The following ALOXE3 variants were observed in gnomAD, a reference collection of about 807,000 sequenced individuals.
The protein encoded by ALOXE3 is hydroperoxide isomerase ALOXE3.
Under a neutral mutation model 87.5 loss-of-function variants are expected in ALOXE3, and 78 were observed. The observed-to-expected ratio is 0.89, with a 90% CI of 0.74 to 1.08. The LOEUF (loss-of-function observed/expected upper bound fraction) is 1.08, where lower values mean the gene tolerates loss of function less well. Ranked by LOEUF, ALOXE3 falls within the 50% of genes least tolerant of loss-of-function variation. ALOXE3 has a pLI of 0.00. For synonymous variants in ALOXE3, 363 were observed against 370.8 expected (o/e 0.98, Z 0.24); for missense variants, 946 against 912.4 (o/e 1.04, Z -0.47).
In ALOXE3 at chr17:8,114,473, A is replaced by C. The variant is rs761125519; in HGVS notation, c.680+11T>G. The C allele has an allele frequency of 1.2e-6, 2 of 1,613,714 alleles. No homozygotes were observed. Among genetic ancestry groups the C allele is most frequent in the Admixed American group, 1.7e-5 (1 of 59,972 alleles). ...GATGTAAGATGTTCATTAGAGGGAC[A>C]ATGGCCTTACGCAGGGATGGCATTG... On this transcript the variant is annotated intron_variant, in intron 6 of 15. Transcript: ENST00000448843.
chr17:8,111,252 G>T, intron 8 of ALOXE3, 107 bp downstream of exon 8: 1 of 1,411,458 alleles, frequency 7.1e-7, no homozygotes, highest in Non-Finnish European at 9.9e-7. Context: ...GCCCACAGGT[G>T]AAATGCAGCC....
intron 15 of ALOXE3, among the ~76,000 whole-genome samples, chr17:8,099,306 A>C (rs754115228): frequency 1.4e-4 from 22 of 152,128 alleles, no homozygotes; most frequent in Non-Finnish European, 3.2e-4. Flanking sequence ...ACATAACTAA[A>C]GTCATATGGG....
chr17:8,115,757 G>C, intron 3 of ALOXE3, 69 bp from the exon 4 acceptor site: 1 of 1,494,664 alleles, frequency 6.7e-7, no homozygotes, highest in Non-Finnish European at 9.3e-7. Context: ...AACCTTGCCT[G>C]AACCCCCTGA....
Position 8,116,925 on chromosome 17 carries a change from C to T in ALOXE3, c.203G>A (p.Arg68His), listed in dbSNP as rs763500580. The T allele has an allele frequency of 6.2e-6, 10 of 1,614,130 alleles. No individual in the cohort carries two copies. The African/African-American group carries it at 8.0e-5, about 13-fold the overall frequency. ...TAELGELLLL[R>H]VHKERYAFFR... ...GAAAGCGTAGCGCTCCTTGTGTACACGCAGCAGCAAGAGCTCACCCAGCTC... is the reference window on the plus strand; with the variant it reads ...GAAAGCGTAGCGCTCCTTGTGTACATGCAGCAGCAAGAGCTCACCCAGCTC... The change falls in exon 3 of 16, where the codon CGT becomes CAT. Residue 68 changes from arginine (R) to histidine (H), a missense_variant. Arg to His is a conservative substitution (Grantham distance 29, BLOSUM62 0). Coordinates refer to ENST00000448843, the MANE Select transcript of ALOXE3 (RefSeq NM_021628.3).
Position 8,111,399 on chromosome 17 carries a change from G to A in ALOXE3, c.917C>T (p.Pro306Leu). The A allele has an allele frequency of 2.5e-6, 4 of 1,613,866 alleles. No homozygotes were observed. Among genetic ancestry groups the A allele is most frequent in the Non-Finnish European group, 3.4e-6 (4 of 1,180,040 alleles). The change falls in exon 8 of 16, where the codon CCC becomes CTC. Residue 306 changes from proline (P) to leucine (L), a missense_variant. By Grantham distance (98) the Pro-to-Leu change is moderately conservative (BLOSUM62 -3). Coordinates refer to ENST00000448843, the MANE Select transcript of ALOXE3 (RefSeq NM_021628.3). ...KLPVTNDMVA[P>L]LLGQDTCLQT... ...CAGGCATGTGTCCTGTCCCAGCAAG[G>A]GGGCCACCATGTCATTGGTGACAGG...
intron 3 of ALOXE3, 72 bp downstream of exon 3, chr17:8,116,704 C>A: frequency 1.3e-6 from 2 of 1,521,474 alleles, no homozygotes; most frequent in Non-Finnish European, 1.8e-6. Flanking sequence ...TACTCTGGGG[C>A]TCTGTGAGAC....
chr17:8,114,246 T>A (rs1172123124), intron 6 of ALOXE3, among the ~76,000 whole-genome samples: 1 of 124,872 alleles, frequency 8.0e-6, no homozygotes, highest in African/African-American at 3.2e-5. Flanking sequence ...GGCTGAGGAG[T>A]CTGGGGGCAG....
At chr17:8,104,242 G>A in intron 13 of ALOXE3, 27 bp from the exon 14 acceptor site, 1 of 1,573,096 alleles carries the variant, frequency 6.4e-7, no homozygotes, top group East Asian at 2.2e-5. Flanking sequence ...AGGGTAGAGG[G>A]TGTGGATGGA....
chr17:8,102,525 T>C (rs1426364388), intron 15 of ALOXE3, among the ~76,000 whole-genome samples: 7 of 152,154 alleles, frequency 4.6e-5, no homozygotes, highest in Non-Finnish European at 1.0e-4. Context: ...TGGCTACCCT[T>C]TGTCTTCTAA....
rs1979930025 is a variant in ALOXE3 at position 8,110,230 on chromosome 17, C to CA, written c.1166dup (p.Leu390AlafsTer10). 1 of 1,614,098 alleles carries CA rather than the reference C, an allele frequency of 6.2e-7. No individual in the cohort carries two copies. Among genetic ancestry groups the CA allele is most frequent in the African/African-American group, 1.3e-5 (1 of 75,048 alleles). ...AGTTGCGCACCCACGTCTTGGCCAG[C>CA]AGCCAGTCCCATTCGGAGTCAGTGG... On this transcript the variant is annotated frameshift_variant, in exon 10 of 16. Transcript: ENST00000448843. LOFTEE classifies it high-confidence loss of function.
chr17:8,115,650 C>G lies in ALOXE3; in HGVS notation c.391G>C (p.Asp131His). 1 of 1,614,010 alleles carries G rather than the reference C, an allele frequency of 6.2e-7. No individual in the cohort carries two copies. Among genetic ancestry groups the G allele is most frequent in the African/African-American group, 1.3e-5 (1 of 75,010 alleles). The change falls in exon 4 of 16, where the codon GAT (aspartate) becomes CAT (histidine). Residue 131 changes from aspartate (D) to histidine (H), a missense_variant. Physicochemically the swap from Asp to His is moderately conservative, Grantham distance 81 (BLOSUM62 -1). Transcript: ENST00000448843. ...ICQDSLPLLL[D>H]HRTRELRARQ... ...GCCCGGAGCTCCCGTGTCCTGTGAT[C>G]CAGGAGGAGGGGAAGAGAGTCCTGA... is the stretch of plus-strand genomic sequence containing the variant.
chr17:8,118,709 C>T (rs765142066), upstream of ALOXE3: 12 of 1,537,320 alleles, frequency 7.8e-6, no homozygotes, highest in Non-Finnish European at 1.0e-5. Context: ...ATTCTCTGCT[C>T]TGGAGTAGGG....
At chr17:8,117,006 G>C (rs1470693205) in intron 2 of ALOXE3, 26 bp from the exon 3 acceptor site, 1 of 1,607,140 alleles carries the variant, frequency 6.2e-7, no homozygotes, top group Non-Finnish European at 8.5e-7. Flanking sequence ...CAGCAAGCAG[G>C]TGAGAGGCGG....
chr17:8,102,385 C>T (rs1238846086), intron 15 of ALOXE3, among the ~76,000 whole-genome samples: 1 of 152,098 alleles, frequency 6.6e-6, no homozygotes, highest in African/African-American at 2.4e-5. Context: ...CCCAGCTACT[C>T]GGGAGGCTGA....
intron 14 of ALOXE3, among the ~76,000 whole-genome samples, chr17:8,103,718 C>T (rs1470025866): frequency 6.6e-6 from 1 of 151,748 alleles, no homozygotes; most frequent in Non-Finnish European, 1.5e-5. Context: ...CCAGCTTACT[C>T]CTTGTCACTC....
At chr17:8,109,880 G>A in intron 11 of ALOXE3, 36 bp downstream of exon 11, 1 of 1,537,304 alleles carries the variant, frequency 6.5e-7, no homozygotes, top group Non-Finnish European at 8.8e-7. Flanking sequence ...AGCGTCTTCG[G>A]GGGCGGAGAT....
Position 8,109,225 on chromosome 17 carries a change from G to A in ALOXE3, c.1511C>T (p.Pro504Leu), listed in dbSNP as rs987255862. ...GCCGTCGTCTCGGTAGTGGTAGTTG[G>A]GGATAGCCAGGACGCCGCGGGCCCG... ...SLRARGVLAI[P>L]NYHYRDDGLK... is the part of the protein sequence containing the mutation. Residue 504 changes from proline (P) to leucine (L), a missense_variant, in exon 12 of 16, where the codon CCC becomes CTC. Physicochemically the swap from Pro to Leu is moderately conservative, Grantham distance 98 (BLOSUM62 -3). Transcript: ENST00000448843. 6.2e-7 allele frequency: 1 copy of A among 1,613,896 alleles called. No individual in the cohort carries two copies. The highest frequency in any genetic ancestry group is 1.7e-5 in the Admixed American group (1 of 60,016).
Position 8,112,131 on chromosome 17 carries a change from A to C in ALOXE3, c.746T>G (p.Met249Arg), listed in dbSNP as rs1018138761. ...RKGSWKKLDD[M>R]QNIFWCHKTF... ...CTTATGGCACCAGAAGATGTTCTGCATGTCATCCAGCTTCTTCCAGGAGCC... is the reference window on the plus strand; with the variant it reads ...CTTATGGCACCAGAAGATGTTCTGCCTGTCATCCAGCTTCTTCCAGGAGCC... The change falls in exon 7 of 16, where the codon ATG becomes AGG. Residue 249 changes from methionine to arginine, a missense_variant. Met to Arg is a moderately conservative substitution (Grantham distance 91, BLOSUM62 -1). Transcript: ENST00000448843. The C allele has an allele frequency of 1.9e-6, 3 of 1,614,134 alleles. No individual in the cohort carries two copies. Among genetic ancestry groups the C allele is most frequent in the Non-Finnish European group, 2.5e-6 (3 of 1,180,016 alleles).
At position 8,110,211 on chromosome 17, in the gene ALOXE3, G is replaced by T. The variant is rs121434234; in HGVS notation, c.1186C>A (p.Arg396Ser). 1 of 1,614,100 alleles carries T rather than the reference G, an allele frequency of 6.2e-7. No homozygotes were observed. The highest frequency in any genetic ancestry group is 8.5e-7 in the Non-Finnish European group (1 of 1,179,948). ...WDWLLAKTWV[R>S]NSEFLVHENN... ...TCGTGCACCAGGAACTCAGAGTTGCGCACCCACGTCTTGGCCAGCAGCCAG... is the reference window on the plus strand; with the variant it reads ...TCGTGCACCAGGAACTCAGAGTTGCTCACCCACGTCTTGGCCAGCAGCCAG... The change falls in exon 10 of 16, where the codon CGC becomes AGC. Residue 396 changes from arginine (R) to serine (S), a missense_variant. By Grantham distance (110) the Arg-to-Ser change is moderately radical. Transcript: ENST00000448843.
Sources: gnomAD v4.1 joint callset for allele counts (sites outside exome capture counted in the v4.1 genomes callset) on GRCh38, gnomAD v4.1.1 for gene constraint, MANE v1.5 for transcripts, NCBI Gene and HGNC (gene_info 2026-07-23, HGNC 2026-07-21) for gene names.